The following FBP1 variants were observed in gnomAD, a reference collection of about 807,000 sequenced individuals.
FBP1 encodes the protein fructose-bisphosphatase 1, also known as fructose-1,6-bisphosphatase 1.
Under a neutral mutation model 29.9 loss-of-function variants are expected in FBP1, and 22 were observed. The observed-to-expected ratio is 0.74, with a 90% CI of 0.53 to 1.05. FBP1 has a LOEUF of 1.05. Among genes scored for constraint, FBP1 ranks in the 50% least tolerant of loss-of-function variants. The pLI, the probability that FBP1 is intolerant of heterozygous loss-of-function variation, is 0.00. For synonymous variants in FBP1, 175 were observed against 178.6 expected, an observed-to-expected ratio of 0.98 and a Z score of 0.16; for missense variants, 345 against 448.2, an observed-to-expected ratio of 0.77 and a Z score of 2.08.
chr9:94,618,383 G>A (rs1416927159), intron 2 of FBP1, among the ~76,000 whole-genome samples: 1 of 144,632 alleles, frequency 6.9e-6, no homozygotes, highest in African/African-American at 2.5e-5. Flanking sequence ...CACTTTGGGA[G>A]GCTAAGACAG....
chr9:94,636,616 C>T (rs575023813), intron 1 of FBP1, among the ~76,000 whole-genome samples: 2 of 152,234 alleles, frequency 1.3e-5, no homozygotes, highest in East Asian at 3.9e-4. Flanking sequence ...CAAAACACAT[C>T]TTACATTTCT....
intron 3 of FBP1, among the ~76,000 whole-genome samples, chr9:94,610,470 G>T (rs1322226678): frequency 6.6e-6 from 1 of 152,234 alleles, no homozygotes; most frequent in Admixed American, 6.5e-5. Flanking sequence ...CCAGTCTGCG[G>T]AGGAAATCAG....
intron 4 of FBP1, among the ~76,000 whole-genome samples, chr9:94,609,253 C>T (rs1018438096): frequency 6.6e-6 from 1 of 151,628 alleles, no homozygotes; most frequent in Non-Finnish European, 1.5e-5. Flanking sequence ...TAAATGTACA[C>T]GAATAAATGT....
At chr9:94,638,007 A>T (rs1451411312) in intron 1 of FBP1, among the ~76,000 whole-genome samples, 2 of 150,692 alleles carry the variant, frequency 1.3e-5, no homozygotes, top group Non-Finnish European at 2.9e-5. Flanking sequence ...AATCGCTTGA[A>T]CCTGGGAGGC....
At position 94,639,457 on chromosome 9, in the gene FBP1, G is replaced by C. The variant is rs1828252236; in HGVS notation, c.-147C>G. 2.2e-6 allele frequency: 2 copies of C among 904,228 alleles called. No individual in the cohort carries two copies. Among genetic ancestry groups the C allele is most frequent in the Admixed American group, 4.1e-5 (2 of 49,322 alleles). 56.0% of individuals were successfully genotyped at this position (904,228 alleles called of 1,614,324 possible). On this transcript the variant is annotated 5_prime_UTR_variant, in exon 1 of 7. Transcript: ENST00000375326. ...AGGTGCGGGCCGCGGGACCTGGCGG[G>C]AGGACTGACAGACCGACTGCCGCCC... is the stretch of plus-strand genomic sequence containing the variant.
intron 1 of FBP1, among the ~76,000 whole-genome samples, chr9:94,638,084 C>A (rs1208314651): frequency 2.1e-5 from 1 of 48,226 alleles, no homozygotes; most frequent in South Asian, 7.3e-4. Flanking sequence ...AAAATTCCAT[C>A]TCAAAAAAAA....
chr9:94,606,728 C>A, intron 5 of FBP1, 87 bp downstream of exon 5: 1 of 1,382,290 alleles, frequency 7.2e-7, no homozygotes, highest in South Asian at 1.2e-5. Flanking sequence ...GGATCCCTTT[C>A]ATCTCCGGGG....
At chr9:94,636,539 G>T (rs1828193028) in intron 1 of FBP1, among the ~76,000 whole-genome samples, 1 of 151,734 alleles carries the variant, frequency 6.6e-6, no homozygotes, top group Admixed American at 6.6e-5. Context: ...CTTCATCCAG[G>T]CCCCACCATC....
intron 1 of FBP1, among the ~76,000 whole-genome samples, chr9:94,635,121 A>G (rs545702875): frequency 6.6e-6 from 1 of 151,572 alleles, no homozygotes; most frequent in South Asian, 2.1e-4. Flanking sequence ...CCAGTTAACT[A>G]ATAGATGAGA....
intron 3 of FBP1, among the ~76,000 whole-genome samples, chr9:94,611,596 A>T (rs28369721): frequency 0.019 from 2,888 of 152,156 alleles, 50 homozygotes; most frequent in Non-Finnish European, 0.028. Context: ...CTACGAAAAA[A>T]AATTTTTTTT....
intron 3 of FBP1, among the ~76,000 whole-genome samples, chr9:94,615,127 C>G (rs1334406464): frequency 2.0e-5 from 3 of 152,206 alleles, no homozygotes; most frequent in East Asian, 1.9e-4. Flanking sequence ...CCAGGATGGT[C>G]GCAATCTCCT....
rs796592686 is a variant in FBP1 at position 94,639,046 on chromosome 9, A to C, written c.170+95T>G. 5 of 1,226,588 alleles carry C rather than the reference A, an allele frequency of 4.1e-6. No individual in the cohort carries two copies. The African/African-American group carries it at 6.0e-5, about 15-fold the overall frequency. The allele number at this position is 1,226,588 out of a possible 1,614,324, so 76.0% of individuals were successfully genotyped here. A position where few individuals can be genotyped will look rare whatever the true frequency, so the allele number is the denominator to read the frequency against. ...ACATCAGACGGACAGACAGAGGCTG[A>C]CGGCAGGAGGCTCAGAGGGCCCAAC... On this transcript the variant is annotated intron_variant, in intron 1 of 6. Coordinates refer to ENST00000375326, the MANE Select transcript of FBP1 (RefSeq NM_000507.4).
intron 3 of FBP1, among the ~76,000 whole-genome samples, chr9:94,615,125 G>T (rs1221094002): frequency 6.6e-6 from 1 of 152,114 alleles, no homozygotes; most frequent in East Asian, 1.9e-4. Flanking sequence ...AGCCAGGATG[G>T]TCGCAATCTC....
At position 94,639,429 on chromosome 9, in the gene FBP1, G is replaced by T. The variant is rs1828251691; in HGVS notation, c.-119C>A. On this transcript the variant is annotated 5_prime_UTR_variant, in exon 1 of 7. Transcript: ENST00000375326. ...CAGGTGCGGAGCTGCAGGTGCGGGC[G>T]GCAGGTGCGGGCCGCGGGACCTGGC... 2.6e-6 allele frequency: 3 copies of T among 1,164,014 alleles called. No individual in the cohort carries two copies. Among genetic ancestry groups the T allele is most frequent in the African/African-American group, 1.5e-5 (1 of 65,666 alleles). 72.1% of individuals were successfully genotyped at this position (1,164,014 alleles called of 1,614,324 possible).
chr9:94,616,934 T>TTC (rs553480504), intron 3 of FBP1, among the ~76,000 whole-genome samples: 28 of 103,212 alleles, frequency 2.7e-4, no homozygotes, highest in African/African-American at 6.8e-4. Context: ...CTCTCTCTCT[T>TTC]TCTCTCTCTC....
At chr9:94,628,633 G>C (rs1828059944) in intron 1 of FBP1, among the ~76,000 whole-genome samples, 1 of 152,140 alleles carries the variant, frequency 6.6e-6, no homozygotes, top group African/African-American at 2.4e-5. Context: ...CAAACGGGCT[G>C]CATAGAACCC....
chr9:94,623,148 C>T (rs1827972524), intron 1 of FBP1, among the ~76,000 whole-genome samples: 1 of 151,948 alleles, frequency 6.6e-6, no homozygotes, highest in Non-Finnish European at 1.5e-5. Context: ...CCACATCCAG[C>T]TAATTTTTGT....
intron 1 of FBP1, among the ~76,000 whole-genome samples, chr9:94,630,469 G>A (rs1828086449): frequency 6.6e-6 from 1 of 152,196 alleles, no homozygotes; most frequent in African/African-American, 2.4e-5. Flanking sequence ...GCCCCAGGCT[G>A]GCACTCTACA....
intron 6 of FBP1, among the ~76,000 whole-genome samples, chr9:94,604,555 G>A (rs1010980286): frequency 1.3e-5 from 2 of 151,568 alleles, no homozygotes; most frequent in East Asian, 1.9e-4. Context: ...AGGCTGTGGC[G>A]GGTGGATCAC....
Sources: gnomAD v4.1 joint callset for allele counts (sites outside exome capture counted in the v4.1 genomes callset) on GRCh38, gnomAD v4.1.1 for gene constraint, MANE v1.5 for transcripts, NCBI Gene and HGNC (gene_info 2026-07-23, HGNC 2026-07-21) for gene names.